CDCP1: variants seen among roughly 807,000 people sequenced by gnomAD.
CDCP1 encodes the protein CUB domain containing protein 1.
In CDCP1, 29 loss-of-function variants were observed where a neutral mutation model predicts 60.2. The observed-to-expected ratio is 0.48, with a 90% CI of 0.36 to 0.66. The LOEUF is 0.66. Among genes scored for constraint, CDCP1 ranks in the 30% least tolerant of loss-of-function variants. The pLI is 0.00. For synonymous variants in CDCP1, 387 were observed against 431.1 expected, an observed-to-expected ratio of 0.90 and a Z score of 1.27; for missense variants, 876 against 1,074.3, an observed-to-expected ratio of 0.82 and a Z score of 2.58.
At chr3:45,109,076 A>G (rs1559392841) in intron 4 of CDCP1, among the ~76,000 whole-genome samples, 1 of 150,060 alleles carries the variant, frequency 6.7e-6, no homozygotes, top group Admixed American at 6.7e-5. Flanking sequence ...CAGCCTCCCA[A>G]GTAGTTGGGA....
At chr3:45,102,388 T>C (rs1170971182) in intron 4 of CDCP1, among the ~76,000 whole-genome samples, 1 of 151,630 alleles carries the variant, frequency 6.6e-6, no homozygotes, top group African/African-American at 2.4e-5. Context: ...TTTTATAAAA[T>C]ACAAATTTAA....
chr3:45,098,041 G>A (rs575578429), intron 4 of CDCP1, among the ~76,000 whole-genome samples: 30 of 151,974 alleles, frequency 2.0e-4, no homozygotes, highest in African/African-American at 6.8e-4. Context: ...CCCCAAAGCC[G>A]TGTTAGAAGC....
chr3:45,093,600 T>C lies in CDCP1; in HGVS notation c.1304A>G (p.Asp435Gly). The C allele has an allele frequency of 6.2e-7, 1 of 1,614,204 alleles. No individual in the cohort carries two copies. Among genetic ancestry groups the C allele is most frequent in the Non-Finnish European group, 8.5e-7 (1 of 1,180,028 alleles). ...CAGCTCCACAGGCAGGTGGAGGATGTCACTGGGCACCTGGAGTGAGTAGGA... is the reference window on the plus strand; with the variant it reads ...CAGCTCCACAGGCAGGTGGAGGATGCCACTGGGCACCTGGAGTGAGTAGGA... Reference protein sequence around the residue: ...RKSYSLQVPSDILHLPVELHD... With the variant: ...RKSYSLQVPSGILHLPVELHD... Residue 435 changes from aspartate (D) to glycine (G), a missense_variant, in exon 6 of 9, where the codon GAC becomes GGC. This residue lies in a region of CDCP1 where 726 missense variants were observed against 935.7 expected (regional missense o/e 0.78). Coordinates refer to ENST00000296129, the MANE Select transcript of CDCP1 (RefSeq NM_022842.5).
chr3:45,102,383 T>A (rs1053668676), intron 4 of CDCP1, among the ~76,000 whole-genome samples: 1 of 152,126 alleles, frequency 6.6e-6, no homozygotes, highest in Non-Finnish European at 1.5e-5. Context: ...ATTCATTTTA[T>A]AAAATACAAA....
At chr3:45,146,433 GATC>G, upstream of CDCP1, 1 of 590,270 alleles carries the variant, frequency 1.7e-6, no homozygotes, top group Non-Finnish European at 2.8e-6. Context: ...TGCGCAGCAG[GATC>G]GCGAGCTGAC....
intron 1 of CDCP1, among the ~76,000 whole-genome samples, chr3:45,121,142 C>T (rs1458060533): frequency 6.6e-6 from 1 of 152,192 alleles, no homozygotes; most frequent in Non-Finnish European, 1.5e-5. Context: ...ACTACCATTC[C>T]CATATTTTAC....
intron 1 of CDCP1, among the ~76,000 whole-genome samples, chr3:45,132,550 G>T (rs1349141841): frequency 6.7e-6 from 1 of 149,112 alleles, no homozygotes; most frequent in Non-Finnish European, 1.5e-5. Flanking sequence ...GACCTGTTCT[G>T]CGGCCCCCAT....
chr3:45,141,028 C>T (rs1473966332), intron 1 of CDCP1, among the ~76,000 whole-genome samples: 1 of 152,124 alleles, frequency 6.6e-6, no homozygotes. Flanking sequence ...TGGTGAAACC[C>T]CACCTCTACT....
chr3:45,136,344 C>G (rs1001040435), intron 1 of CDCP1, among the ~76,000 whole-genome samples: 11 of 152,146 alleles, frequency 7.2e-5, no homozygotes, highest in Non-Finnish European at 1.5e-4. Flanking sequence ...TCCTTCCTTA[C>G]AGTAGAAGTT....
intron 4 of CDCP1, among the ~76,000 whole-genome samples, chr3:45,103,609 G>C (rs1263262547): frequency 6.6e-6 from 1 of 152,236 alleles, no homozygotes; most frequent in Non-Finnish European, 1.5e-5. Context: ...GTGCCTTTAA[G>C]AGGTGATTAG....
chr3:45,091,114 A>G lies in CDCP1; in HGVS notation c.1993+59T>C. ...TGACTTGTCTCCAGGCTTGCTCTCT[A>G]TCCTCCAGCTGACAATTTTTTGTTC... On this transcript the variant is annotated intron_variant, in intron 7 of 8. Coordinates refer to ENST00000296129, the MANE Select transcript of CDCP1 (RefSeq NM_022842.5). The surrounding 1 kb of genome is among the most constrained non-coding windows in gnomAD (Gnocchi z 4.8). 3.2e-6 allele frequency: 5 copies of G among 1,552,362 alleles called. No homozygotes were observed. Among genetic ancestry groups the G allele is most frequent in the Non-Finnish European group, 4.4e-6 (5 of 1,148,798 alleles).
Position 45,085,539 on chromosome 3 carries a change from G to T in CDCP1, c.*99C>A. 1 of 1,272,098 alleles carries T rather than the reference G, an allele frequency of 7.9e-7. No individual in the cohort carries two copies. Among genetic ancestry groups the T allele is most frequent in the Non-Finnish European group, 1.1e-6 (1 of 909,122 alleles). 78.8% of individuals were successfully genotyped at this position (1,272,098 alleles called of 1,614,324 possible). ...AGGAAAACCTCCTGCTGTTCCTTCT[G>T]TATAATTCCTCTTCTTTAGGATTTC... On this transcript the variant is annotated 3_prime_UTR_variant, in exon 9 of 9. Transcript: ENST00000296129. This position sits in a 1 kb window ranked among gnomAD's most constrained non-coding sequence, Gnocchi z 4.2.
At chr3:45,128,409 C>G (rs1699036422) in intron 1 of CDCP1, among the ~76,000 whole-genome samples, 1 of 152,258 alleles carries the variant, frequency 6.6e-6, no homozygotes, top group South Asian at 2.1e-4. Flanking sequence ...CGGGCTCCAA[C>G]TTCCAGAATT....
At chr3:45,142,276 C>T (rs972247911) in intron 1 of CDCP1, among the ~76,000 whole-genome samples, 13 of 152,196 alleles carry the variant, frequency 8.5e-5, no homozygotes, top group African/African-American at 2.9e-4. Flanking sequence ...TCCCTACCCA[C>T]TCCCCACCTC....
intron 4 of CDCP1, among the ~76,000 whole-genome samples, chr3:45,099,795 G>A (rs1262284689): frequency 1.3e-5 from 2 of 151,508 alleles, no homozygotes; most frequent in African/African-American, 4.9e-5. Flanking sequence ...TTGAACTCTT[G>A]GAGATTAAAA....
Position 45,114,780 on chromosome 3 carries a change from T to C in CDCP1, c.293-2335A>G, listed in dbSNP as rs79209267. Reference sequence around the variant, plus strand: ...AATGGAGACATCAAATTTTATCTGATGCTGATTTCAGAATGATTGTTCAGA... The same window carrying C: ...AATGGAGACATCAAATTTTATCTGACGCTGATTTCAGAATGATTGTTCAGA... On this transcript the variant is annotated intron_variant, in intron 2 of 8. Coordinates refer to ENST00000296129, the MANE Select transcript of CDCP1 (RefSeq NM_022842.5). Among the ~76,000 whole-genome samples, 286 of 152,350 alleles carry C rather than the reference T, an allele frequency of 1.9e-3. 3 individuals are homozygous for C. The East Asian group carries it at 0.043, about 23-fold the overall frequency.
rs1203520292 is a variant in CDCP1 at position 45,085,580 on chromosome 3, A to G, written c.*58T>C. The G allele has an allele frequency of 2.4e-5, 36 of 1,505,954 alleles. No individual in the cohort carries two copies. The highest frequency in any genetic ancestry group is 3.2e-5 in the Non-Finnish European group (36 of 1,109,172). 93.3% of individuals were successfully genotyped at this position (1,505,954 alleles called of 1,614,324 possible). ...TTAGGATTTCTGGTTAGGAACACGG[A>G]CGGGTGTCTCAGTGCCCTGCTTTAT... is the stretch of plus-strand genomic sequence containing the variant. On this transcript the variant is annotated 3_prime_UTR_variant, in exon 9 of 9. Transcript: ENST00000296129. The surrounding 1 kb of genome is among the most constrained non-coding windows in gnomAD (Gnocchi z 4.2).
chr3:45,093,724 C>T (rs529199796), intron 5 of CDCP1, 67 bp from the exon 6 acceptor site: 11 of 1,535,788 alleles, frequency 7.2e-6, no homozygotes, highest in Admixed American at 5.7e-5. Flanking sequence ...CCAGCTCTCC[C>T]GTCAGCCTGA....
intron 1 of CDCP1, among the ~76,000 whole-genome samples, chr3:45,140,465 A>G (rs916506297): frequency 4.6e-5 from 7 of 152,164 alleles, no homozygotes; most frequent in African/African-American, 1.7e-4. Context: ...AGACGTTCTC[A>G]GATTTATTAT....
Sources: allele counts gnomAD v4.1 joint callset (sites outside exome capture counted in the v4.1 genomes callset), GRCh38; gene constraint gnomAD v4.1.1; regional missense constraint gnomAD v4.1.1; non-coding constraint Gnocchi (gnomAD v3.1); transcripts MANE v1.5; gene names NCBI Gene and HGNC (gene_info 2026-07-23, HGNC 2026-07-21).